Variants in FRMD4B observed in about 807,000 individuals in gnomAD.
FRMD4B encodes the protein FERM domain-containing protein 4B.
Under a neutral mutation model 141.5 loss-of-function variants are expected in FRMD4B, and 74 were observed. That is an observed-to-expected ratio of 0.52 (90% CI 0.43 to 0.63). The LOEUF (loss-of-function observed/expected upper bound fraction) is 0.63. Ranked by LOEUF, FRMD4B falls within the 30% of genes least tolerant of loss-of-function variation. The pLI is 0.00. For synonymous variants in FRMD4B, 506 were observed against 467.9 expected (o/e 1.08, Z -1.05); for missense variants, 1,366 against 1,253.4 (o/e 1.09, Z -1.36).
At chr3:69,449,014 C>T (rs1368330890) in intron 1 of FRMD4B, among the ~76,000 whole-genome samples, 2 of 152,166 alleles carry the variant, frequency 1.3e-5, no homozygotes, top group African/African-American at 2.4e-5. Context: ...CAATTATTCA[C>T]AGCATCTTTT....
intron 5 of FRMD4B, among the ~76,000 whole-genome samples, chr3:69,273,089 AAAG>A (rs1406729317): frequency 2.0e-5 from 3 of 152,170 alleles, no homozygotes; most frequent in Non-Finnish European, 4.4e-5. Context: ...TAGGAAAAAG[AAAG>A]AAGGAAAGTC....
chr3:69,389,051 T>C (rs1334176102), upstream of FRMD4B, among the ~76,000 whole-genome samples: 2 of 111,222 alleles, frequency 1.8e-5, no homozygotes, highest in Non-Finnish European at 4.0e-5. Flanking sequence ...TTTTTTTTTT[T>C]GAAACGTAGT....
intron 1 of FRMD4B, among the ~76,000 whole-genome samples, chr3:69,480,442 G>A (rs1255800946): frequency 2.6e-5 from 4 of 152,196 alleles, no homozygotes; most frequent in Admixed American, 6.5e-5. Flanking sequence ...ACCCTCAGCT[G>A]CCAGTCTGTT....
intron 4 of FRMD4B, among the ~76,000 whole-genome samples, chr3:69,300,357 T>G (rs1199719930): frequency 6.6e-6 from 1 of 152,206 alleles, no homozygotes; most frequent in Non-Finnish European, 1.5e-5. Flanking sequence ...GGTTTAAACA[T>G]GCAAGTAGTT....
chr3:69,211,482 A>G (rs909690440), intron 11 of FRMD4B, among the ~76,000 whole-genome samples: 1 of 152,226 alleles, frequency 6.6e-6, no homozygotes, highest in African/African-American at 2.4e-5. Context: ...TGGGAGGTCA[A>G]ACAAATACCT....
chr3:69,382,479 CCCTCCCATTT>C (rs1704140422), intron 1 of FRMD4B, among the ~76,000 whole-genome samples: 2 of 152,206 alleles, frequency 1.3e-5, no homozygotes, highest in Non-Finnish European at 2.9e-5. Context: ...CCAGCCCAAT[CCCTCCCATTT>C]TAATGTCACA....
At chr3:69,471,835 G>T (rs984754462) in intron 1 of FRMD4B, 2 of 155,306 alleles carry the variant, frequency 1.3e-5, no homozygotes, top group South Asian at 2.0e-4. Context: ...TCTGTTTCAG[G>T]TAAAGAAAAA....
chr3:69,395,400 A>T (rs72937857), intron 2 of FRMD4B, among the ~76,000 whole-genome samples: 4,362 of 152,290 alleles, frequency 0.029, 226 homozygotes, highest in African/African-American at 0.098. Context: ...ACTGCAGTAC[A>T]CTGAGAAACA....
At chr3:69,326,246 C>T (rs1702188582) in intron 1 of FRMD4B, among the ~76,000 whole-genome samples, 1 of 151,984 alleles carries the variant, frequency 6.6e-6, no homozygotes, top group African/African-American at 2.4e-5. Context: ...CATAAGCCAC[C>T]ATGCCCAGCC....
At chr3:69,350,215 A>T (rs1421377302) in intron 1 of FRMD4B, among the ~76,000 whole-genome samples, 1 of 152,240 alleles carries the variant, frequency 6.6e-6, no homozygotes, top group African/African-American at 2.4e-5. Flanking sequence ...CAATAGACAC[A>T]TGAAAAAATG....
chr3:69,309,893 A>T (rs1236709023), intron 3 of FRMD4B, among the ~76,000 whole-genome samples: 1 of 152,102 alleles, frequency 6.6e-6, no homozygotes, highest in Non-Finnish European at 1.5e-5. Flanking sequence ...TATGTCTTAT[A>T]CTGTTTGCTA....
chr3:69,472,284 G>C, intron 1 of FRMD4B: 1 of 407,882 alleles, frequency 2.5e-6, no homozygotes, highest in Non-Finnish European at 4.8e-6. Flanking sequence ...GTTTATGTCT[G>C]ATGACATTCT....
intron 1 of FRMD4B, among the ~76,000 whole-genome samples, chr3:69,466,377 C>A (rs755326324): frequency 1.1e-4 from 16 of 152,054 alleles, no homozygotes; most frequent in Non-Finnish European, 1.8e-4. Flanking sequence ...TTTTGCTGTG[C>A]AGAAGCTCTT....
At chr3:69,359,654 AT>A (rs1301932034) in intron 1 of FRMD4B, among the ~76,000 whole-genome samples, 1 of 152,160 alleles carries the variant, frequency 6.6e-6, no homozygotes, top group Non-Finnish European at 1.5e-5. Context: ...TTTCTTAACC[AT>A]AAATGGAAAA....
chr3:69,210,646 G>A (rs754390532), intron 11 of FRMD4B, among the ~76,000 whole-genome samples: 6 of 152,004 alleles, frequency 3.9e-5, no homozygotes, highest in African/African-American at 7.2e-5. Context: ...TTTAATTTGC[G>A]TCACACCTTC....
chr3:69,522,862 G>A (rs1700873187), intron 1 of FRMD4B, among the ~76,000 whole-genome samples: 1 of 152,154 alleles, frequency 6.6e-6, no homozygotes, highest in African/African-American at 2.4e-5. Context: ...ACATAGCAAG[G>A]TGGGCCTGGA....
intron 3 of FRMD4B, among the ~76,000 whole-genome samples, chr3:69,304,450 C>G (rs1004878047): frequency 1.4e-5 from 2 of 146,686 alleles, no homozygotes; most frequent in Non-Finnish European, 3.0e-5. Flanking sequence ...TGCCACTACA[C>G]TCCAGCTTGC....
At chr3:69,449,746 T>G (rs56840526) in intron 1 of FRMD4B, among the ~76,000 whole-genome samples, 39,056 of 152,090 alleles carry the variant, frequency 0.26, 5,662 homozygotes, top group East Asian at 0.47. Flanking sequence ...TGTTTTGTTT[T>G]GTTTTCAATG....
At chr3:69,397,101 A>C (rs528500285) in intron 2 of FRMD4B, among the ~76,000 whole-genome samples, 9 of 152,362 alleles carry the variant, frequency 5.9e-5, no homozygotes, top group African/African-American at 2.2e-4. Flanking sequence ...TAAAAAGTAG[A>C]AACAACTCAA....
Sources: allele counts gnomAD v4.1 joint callset (sites outside exome capture counted in the v4.1 genomes callset), GRCh38; gene constraint gnomAD v4.1.1; transcripts MANE v1.5; gene names NCBI Gene and HGNC (gene_info 2026-07-23, HGNC 2026-07-21).